The following PRKACB variants were observed in gnomAD, a reference collection of about 807,000 sequenced individuals.
The protein encoded by PRKACB is cAMP-dependent protein kinase catalytic subunit beta.
PRKACB carries 16 observed loss-of-function variants against 51.4 expected under a neutral mutation model. That is an observed-to-expected ratio of 0.31 (90% CI 0.21 to 0.47). The LOEUF (loss-of-function observed/expected upper bound fraction) is 0.47. PRKACB is among the 20% of genes least tolerant of loss of function. PRKACB has a pLI of 1.00. For missense variants in PRKACB, 309 were observed against 464.5 expected (o/e 0.67, Z 3.08); for synonymous variants, 147 against 154.4 (o/e 0.95, Z 0.35).
chr1:84,213,560 C>T (rs1285284141), intron 8 of PRKACB, among the ~76,000 whole-genome samples: 3 of 152,100 alleles, frequency 2.0e-5, no homozygotes, highest in Non-Finnish European at 2.9e-5. Flanking sequence ...TAGAAAAATG[C>T]TTTTAAACCA....
intron 1 of PRKACB, among the ~76,000 whole-genome samples, chr1:84,136,034 T>G (rs969635527): frequency 1.9e-4 from 29 of 151,854 alleles, no homozygotes; most frequent in African/African-American, 7.0e-4. Flanking sequence ...AAGATAGAAA[T>G]TACCAATATC....
At chr1:84,198,857 G>GTATA (rs572962472) in intron 7 of PRKACB, among the ~76,000 whole-genome samples, 1 of 147,974 alleles carries the variant, frequency 6.8e-6, no homozygotes, top group African/African-American at 2.5e-5. Context: ...GTGTATATGT[G>GTATA]TATATATATA....
At chr1:84,172,865 G>A (rs1659995241) in intron 1 of PRKACB, among the ~76,000 whole-genome samples, 1 of 151,554 alleles carries the variant, frequency 6.6e-6, no homozygotes, top group Non-Finnish European at 1.5e-5. Flanking sequence ...TCATATATAT[G>A]TGGCTTTAGT....
In PRKACB at chr1:84,204,089, A is replaced by C. The variant is rs544396490; in HGVS notation, c.906+1284A>C. Among the ~76,000 whole-genome samples the C allele has an allele frequency of 2.6e-5, 4 of 152,134 alleles. No homozygotes were observed. In the East Asian group the frequency reaches 7.7e-4, roughly 29 times the overall value. ...GGGCTGTAGCAACAAGACATTTGCCAATAGAATTAGTCTATCCAATCACCT... is the reference window on the plus strand; with the variant it reads ...GGGCTGTAGCAACAAGACATTTGCCCATAGAATTAGTCTATCCAATCACCT... On this transcript the variant is annotated intron_variant, in intron 8 of 9. Transcript: ENST00000370685.
intron 9 of PRKACB, among the ~76,000 whole-genome samples, chr1:84,220,480 T>A (rs1200831122): frequency 6.6e-6 from 1 of 152,236 alleles, no homozygotes; most frequent in Non-Finnish European, 1.5e-5. Context: ...ATTACTATGT[T>A]GAATAGGAGT....
intron 1 of PRKACB, among the ~76,000 whole-genome samples, chr1:84,107,305 C>A (rs536246585): frequency 6.6e-5 from 10 of 152,028 alleles, no homozygotes; most frequent in African/African-American, 2.4e-4. Flanking sequence ...GAAACTGGAC[C>A]CCTTCCTTAT....
At chr1:84,227,311 A>G (rs1674780349) in intron 9 of PRKACB, among the ~76,000 whole-genome samples, 1 of 152,104 alleles carries the variant, frequency 6.6e-6, no homozygotes, top group Non-Finnish European at 1.5e-5. Context: ...AGAAATTTAT[A>G]TTTCCAATAA....
intron 1 of PRKACB, among the ~76,000 whole-genome samples, chr1:84,119,575 G>T (rs993680358): frequency 2.0e-5 from 3 of 151,978 alleles, no homozygotes; most frequent in Non-Finnish European, 4.4e-5. Flanking sequence ...AAATCCATCA[G>T]CCCGTATATC....
intron 5 of PRKACB, among the ~76,000 whole-genome samples, chr1:84,193,905 A>G (rs1667486048): frequency 6.6e-6 from 1 of 152,190 alleles, no homozygotes; most frequent in Non-Finnish European, 1.5e-5. Context: ...GATTCATAAA[A>G]TGATGGTGGC....
At chr1:84,177,762 A>C (rs953827621) in intron 1 of PRKACB, among the ~76,000 whole-genome samples, 2 of 151,986 alleles carry the variant, frequency 1.3e-5, no homozygotes, top group African/African-American at 4.8e-5. Context: ...ATAGAAAGAA[A>C]AGAGAAAATG....
chr1:84,165,145 C>G, intron 1 of PRKACB: 1 of 708,366 alleles, frequency 1.4e-6, no homozygotes, highest in South Asian at 2.9e-5. Context: ...CGCTTTTGTA[C>G]TTAGGCATTA....
rs151323322 is a variant in PRKACB, at chr1:84,182,250, T to A, written c.300T>A (p.Gly100=). The A allele has an allele frequency of 1.2e-6, 2 of 1,600,854 alleles. No homozygotes were observed. Among genetic ancestry groups the A allele is most frequent in the Non-Finnish European group, 1.7e-6 (2 of 1,172,022 alleles). Reference sequence around the variant, plus strand: ...AAAGGAAAAAAACCCTTGGAACAGGTTCATTTGGAAGAGTCATGTTGGTAA... The same window carrying A: ...AAAGGAAAAAAACCCTTGGAACAGGATCATTTGGAAGAGTCATGTTGGTAA... The part of the protein sequence containing the change: ...DFERKKTLGT[G]SFGRVMLVKH... Residue 100 remains glycine (G), a synonymous_variant, in exon 3 of 10, where the codon GGT becomes GGA. Coordinates refer to ENST00000370685, the MANE Select transcript of PRKACB (RefSeq NM_182948.4).
At chr1:84,184,241 A>C in intron 4 of PRKACB, 106 bp downstream of exon 4, 1 of 926,048 alleles carries the variant, frequency 1.1e-6, no homozygotes, top group Non-Finnish European at 1.6e-6. Context: ...GAATATGAAT[A>C]AACAAAACGA....
At chr1:84,152,147 G>A (rs1654927177) in intron 1 of PRKACB, among the ~76,000 whole-genome samples, 2 of 152,178 alleles carry the variant, frequency 1.3e-5, no homozygotes, top group South Asian at 4.1e-4. Context: ...GTGATCAGGT[G>A]CATTGTCAAT....
At chr1:84,167,363 ATCTC>A (rs1657845302) in intron 1 of PRKACB, among the ~76,000 whole-genome samples, 1 of 151,514 alleles carries the variant, frequency 6.6e-6, no homozygotes, top group Admixed American at 6.6e-5. Flanking sequence ...TGTTTGCAAA[ATCTC>A]TCTCACAAAT....
chr1:84,086,528 T>G (rs1013400996), intron 1 of PRKACB, among the ~76,000 whole-genome samples: 7 of 152,160 alleles, frequency 4.6e-5, no homozygotes, highest in African/African-American at 1.7e-4. Flanking sequence ...CAGCCACACC[T>G]TGGTCCTCAT....
intron 1 of PRKACB, among the ~76,000 whole-genome samples, chr1:84,096,696 T>A (rs1043362407): frequency 5.3e-5 from 8 of 152,142 alleles, no homozygotes; most frequent in Admixed American, 3.9e-4. Flanking sequence ...GAGTTTTTTT[T>A]ATATATCACT....
intron 1 of PRKACB, among the ~76,000 whole-genome samples, chr1:84,144,915 A>C (rs1653835553): frequency 6.6e-6 from 1 of 152,096 alleles, no homozygotes; most frequent in Non-Finnish European, 1.5e-5. Flanking sequence ...TAAGCTTTAA[A>C]CTTTGAAAGG....
intron 1 of PRKACB, among the ~76,000 whole-genome samples, chr1:84,106,404 C>T (rs1409510901): frequency 4.6e-5 from 7 of 152,240 alleles, no homozygotes; most frequent in Middle Eastern, 6.8e-3. Flanking sequence ...ACAACTTCAA[C>T]GAAGTTTCAG....
Sources: allele counts gnomAD v4.1 joint callset (sites outside exome capture counted in the v4.1 genomes callset), GRCh38; gene constraint gnomAD v4.1.1; transcripts MANE v1.5; gene names NCBI Gene and HGNC (gene_info 2026-07-23, HGNC 2026-07-21).